The following TMEM267 variants were observed in gnomAD, a reference collection of about 807,000 sequenced individuals.
The protein encoded by TMEM267 is transmembrane protein 267.
TMEM267 carries 20 observed loss-of-function variants against 19.3 expected under a neutral mutation model. The ratio of observed to expected loss-of-function variants is 1.04; its 90% CI spans 0.73 to 1.51. The LOEUF is 1.51. TMEM267 is among the 40% of genes most tolerant of loss of function. The pLI is 0.00. For missense variants in TMEM267, 242 were observed against 261.9 expected (o/e 0.92, Z 0.52); for synonymous variants, 88 against 90.3 (o/e 0.97, Z 0.15).
intron 1 of TMEM267, among the ~76,000 whole-genome samples, chr5:43,468,001 C>A (rs931490989): frequency 6.6e-6 from 1 of 151,744 alleles, no homozygotes; most frequent in Non-Finnish European, 1.5e-5. Flanking sequence ...AAAAATGCCA[C>A]ATTTTGAGAC....
In TMEM267 at chr5:43,446,539, G is replaced by A. The variant is rs745544379; in HGVS notation, c.331C>T (p.Arg111Ter). Reference sequence around the variant, plus strand: ...GTAGAACAGTGAAGGAAAGGTCTTCGCGGGAGAGTCAAAGCAGCCTGAGGG... The same window carrying A: ...GTAGAACAGTGAAGGAAAGGTCTTCACGGGAGAGTCAAAGCAGCCTGAGGG... ...MSLKAALTLP[R>*]RPFLHCSTVI... The change falls in exon 3 of 3, where the codon CGA (arginine) becomes TGA (stop). Residue 111 changes from arginine (R) to a stop codon, truncating the protein, a stop_gained. Coordinates refer to ENST00000397080, the MANE Select transcript of TMEM267 (RefSeq NM_022483.5). LOFTEE classifies it high-confidence loss of function. 1.5e-5 allele frequency: 24 copies of A among 1,609,524 alleles called. No homozygotes were observed. In the South Asian group the frequency reaches 2.0e-4, roughly 13 times the overall value.
upstream of TMEM267, chr5:43,483,929 G>C (rs1744972066): frequency 3.3e-5 from 5 of 152,272 alleles, no homozygotes; most frequent in South Asian, 1.0e-3. Context: ...AGACCGCAGC[G>C]TCGGCCGAGA....
chr5:43,477,153 CT>C (rs1744475581), intron 1 of TMEM267, among the ~76,000 whole-genome samples: 1 of 152,080 alleles, frequency 6.6e-6, no homozygotes, highest in Non-Finnish European at 1.5e-5. Context: ...GATCGCCCTA[CT>C]GCACTCCAGC....
chr5:43,483,161 G>T (rs990791974), intron 1 of TMEM267, among the ~76,000 whole-genome samples: 2 of 152,130 alleles, frequency 1.3e-5, no homozygotes, highest in African/African-American at 4.8e-5. Context: ...ACTGACAAAG[G>T]AAACACAAAT....
chr5:43,448,310 C>G (rs1338137392), intron 2 of TMEM267, among the ~76,000 whole-genome samples: 1 of 152,144 alleles, frequency 6.6e-6, no homozygotes, highest in Non-Finnish European at 1.5e-5. Context: ...TTGTCTTCAC[C>G]TTTGTTTTTA....
intron 1 of TMEM267, among the ~76,000 whole-genome samples, chr5:43,483,361 G>A (rs1430347035): frequency 6.6e-6 from 1 of 152,168 alleles, no homozygotes; most frequent in Non-Finnish European, 1.5e-5. Context: ...AAAAAAATGG[G>A]CCAGGCTGCA....
chr5:43,468,300 G>A (rs188611883), intron 1 of TMEM267, among the ~76,000 whole-genome samples: 12 of 152,234 alleles, frequency 7.9e-5, no homozygotes, highest in East Asian at 7.7e-4. Context: ...TGGGAACTGC[G>A]GATATAGCTT....
In TMEM267 at chr5:43,470,204, G is replaced by A. The variant is rs375655470; in HGVS notation, c.-75+13618C>T. ...CACCTCAAGGCTGGAGTGCAGTGGTGCAATCTCAGCTCATTGCAGCCTCCA... is the reference window on the plus strand; with the variant it reads ...CACCTCAAGGCTGGAGTGCAGTGGTACAATCTCAGCTCATTGCAGCCTCCA... On this transcript the variant is annotated intron_variant, in intron 1 of 2. Coordinates refer to ENST00000397080, the MANE Select transcript of TMEM267 (RefSeq NM_022483.5). Among the ~76,000 whole-genome samples, 25 of 152,250 alleles carry A rather than the reference G, an allele frequency of 1.6e-4. No homozygotes were observed. The East Asian group carries it at 4.3e-3, about 26-fold the overall frequency.
chr5:43,449,153 T>G (rs1257699435), intron 2 of TMEM267, among the ~76,000 whole-genome samples: 3 of 152,118 alleles, frequency 2.0e-5, no homozygotes, highest in Non-Finnish European at 4.4e-5. Flanking sequence ...ATGCCTGCTA[T>G]TCCAGCTACT....
chr5:43,457,577 C>T (rs764116766), intron 1 of TMEM267, among the ~76,000 whole-genome samples: 47 of 152,184 alleles, frequency 3.1e-4, no homozygotes, highest in Non-Finnish European at 5.3e-4. Context: ...CTCGTGAGAA[C>T]GAACTCACTA....
intron 1 of TMEM267, among the ~76,000 whole-genome samples, chr5:43,461,296 C>A (rs1743243024): frequency 1.3e-5 from 2 of 152,176 alleles, no homozygotes; most frequent in Admixed American, 1.3e-4. Flanking sequence ...ACAGGTACTA[C>A]ATCAAGGGCC....
chr5:43,460,098 C>T (rs959063726), intron 1 of TMEM267, among the ~76,000 whole-genome samples: 4 of 152,202 alleles, frequency 2.6e-5, no homozygotes, highest in African/African-American at 9.7e-5. Context: ...CTCGCATGTG[C>T]AGTTCACAAT....
At chr5:43,471,615 A>G (rs1349328726) in intron 1 of TMEM267, among the ~76,000 whole-genome samples, 2 of 152,208 alleles carry the variant, frequency 1.3e-5, no homozygotes, top group Non-Finnish European at 2.9e-5. Context: ...ATGAAACAGA[A>G]AAGAGTACCA....
In TMEM267 at chr5:43,473,034, A is replaced by AG. The variant is rs1226424061; in HGVS notation, c.-75+10787dup. 2.7e-5 allele frequency among the ~76,000 whole-genome samples: 4 copies of AG among 149,428 alleles called. No individual in the cohort carries two copies. The Admixed American group carries it at 2.7e-4, about 10-fold the overall frequency. On this transcript the variant is annotated intron_variant, in intron 1 of 2. Coordinates refer to ENST00000397080, the MANE Select transcript of TMEM267 (RefSeq NM_022483.5). ...GCACCTGTAATCCCAGCTACTCAGG[A>AG]GGCTGAGGCAGGAGAATCACTCGAA...
rs572658605 is a variant in TMEM267 at position 43,473,418 on chromosome 5, C to T, written c.-75+10404G>A. Among the ~76,000 whole-genome samples the T allele has an allele frequency of 1.4e-4, 21 of 152,236 alleles. No individual in the cohort carries two copies. The South Asian group carries it at 3.9e-3, about 29-fold the overall frequency. On this transcript the variant is annotated intron_variant, in intron 1 of 2. Coordinates refer to ENST00000397080, the MANE Select transcript of TMEM267 (RefSeq NM_022483.5). ...GCAACTTCAGCAAAGTCTCAGGATACAAAATCAATGCGCAAAAATCACAAG... is the reference window on the plus strand; with the variant it reads ...GCAACTTCAGCAAAGTCTCAGGATATAAAATCAATGCGCAAAAATCACAAG...
Position 43,445,414 on chromosome 5 carries a change from G to A in TMEM267, c.*808C>T, listed in dbSNP as rs1290231479. On this transcript the variant is annotated 3_prime_UTR_variant, in exon 3 of 3. Transcript: ENST00000397080. ...GTCTTTTTTTTGCATAAATTCAAAT[G>A]TTACGGTTATGATCCAAATATCAAC... The A allele has an allele frequency of 1.3e-5, 2 of 151,898 alleles. No individual in the cohort carries two copies. Among genetic ancestry groups the A allele is most frequent in the East Asian group, 1.9e-4 (1 of 5,176 alleles). The allele number at this position is 151,898 out of a possible 1,614,324, so 9.4% of individuals were successfully genotyped here.
intron 1 of TMEM267, among the ~76,000 whole-genome samples, chr5:43,480,646 C>T (rs1444092139): frequency 6.6e-6 from 1 of 151,738 alleles, no homozygotes; most frequent in Non-Finnish European, 1.5e-5. Flanking sequence ...ATTTTCAACC[C>T]TCATTCCAGA....
At position 43,457,306 on chromosome 5, in the gene TMEM267, C is replaced by T. The variant is rs539173652; in HGVS notation, c.-74-3263G>A. On this transcript the variant is annotated intron_variant, in intron 1 of 2. Transcript: ENST00000397080. ...CTATAAGAATTCTCTATAATATTGG[C>T]TCAATTTTTCTGTAAACCTAAAACT... Among the ~76,000 whole-genome samples the T allele has an allele frequency of 9.2e-5, 14 of 152,248 alleles. No individual in the cohort carries two copies. In the East Asian group the frequency reaches 2.3e-3, roughly 25 times the overall value.
chr5:43,472,431 C>T (rs1467017709), intron 1 of TMEM267, among the ~76,000 whole-genome samples: 1 of 152,116 alleles, frequency 6.6e-6, no homozygotes, highest in Non-Finnish European at 1.5e-5. Flanking sequence ...CCAGCAATCC[C>T]ACTGCTGGGT....
Sources: allele counts gnomAD v4.1 joint callset (sites outside exome capture counted in the v4.1 genomes callset), GRCh38; gene constraint gnomAD v4.1.1; transcripts MANE v1.5; gene names NCBI Gene and HGNC (gene_info 2026-07-23, HGNC 2026-07-21).